The following CLSTN2 variants were observed in gnomAD, a reference collection of about 807,000 sequenced individuals.
CLSTN2 encodes calsyntenin 2, also known as calsyntenin-2.
CLSTN2 carries 48 observed loss-of-function variants against 101.2 expected under a neutral mutation model. That is an observed-to-expected ratio of 0.47 (90% CI 0.38 to 0.60). CLSTN2 has a LOEUF of 0.60. Among genes scored for constraint, CLSTN2 ranks in the 20% least tolerant of loss-of-function variants. The pLI, the probability that CLSTN2 is intolerant of heterozygous loss-of-function variation, is 0.00. For missense variants in CLSTN2, 1,160 were observed against 1,238.2 expected (o/e 0.94, Z 0.95); for synonymous variants, 481 against 463.6 (o/e 1.04, Z -0.48).
At chr3:140,457,508 G>A (rs1933432302) in intron 6 of CLSTN2, among the ~76,000 whole-genome samples, 1 of 152,312 alleles carries the variant, frequency 6.6e-6, no homozygotes, top group African/African-American at 2.4e-5. Context: ...CTTGATAGAT[G>A]TCTTTCTTAG....
chr3:140,185,069 C>T (rs900048255), intron 2 of CLSTN2, among the ~76,000 whole-genome samples: 3 of 152,134 alleles, frequency 2.0e-5, no homozygotes, highest in African/African-American at 7.2e-5. Flanking sequence ...AGGGGGCTTC[C>T]CTGTTTATTG....
At chr3:139,996,652 G>A (rs1431701905) in intron 1 of CLSTN2, among the ~76,000 whole-genome samples, 1 of 152,068 alleles carries the variant, frequency 6.6e-6, no homozygotes, top group Admixed American at 6.6e-5. Flanking sequence ...TTTTCCAACT[G>A]AATGAATTCT....
At chr3:140,361,661 A>C (rs1171598561) in intron 2 of CLSTN2, among the ~76,000 whole-genome samples, 1 of 152,198 alleles carries the variant, frequency 6.6e-6, no homozygotes, top group Non-Finnish European at 1.5e-5. Context: ...GTTAAAAAGC[A>C]GTTATATTAA....
intron 2 of CLSTN2, among the ~76,000 whole-genome samples, chr3:140,321,831 C>T (rs1345260897): frequency 1.3e-5 from 2 of 152,224 alleles, no homozygotes; most frequent in African/African-American, 4.8e-5. Flanking sequence ...ATGTCTAGTA[C>T]AGACTGGCAC....
chr3:140,545,151 AAGCC>A (rs544854771), intron 9 of CLSTN2, among the ~76,000 whole-genome samples: 414 of 152,226 alleles, frequency 2.7e-3, no homozygotes, highest in African/African-American at 5.3e-3. Flanking sequence ...ACCCCAGAAA[AAGCC>A]AGCCCACCCC....
At chr3:140,186,543 T>C (rs1235745027) in intron 2 of CLSTN2, among the ~76,000 whole-genome samples, 1 of 152,108 alleles carries the variant, frequency 6.6e-6, no homozygotes, top group Non-Finnish European at 1.5e-5. Flanking sequence ...TTGGCATGAG[T>C]TCAGAGCTTG....
chr3:140,465,002 T>C (rs1933655498), intron 7 of CLSTN2, among the ~76,000 whole-genome samples: 1 of 152,196 alleles, frequency 6.6e-6, no homozygotes, highest in South Asian at 2.1e-4. Context: ...TTCTAATAAG[T>C]AACAGTTATG....
chr3:140,409,007 C>T lies in CLSTN2; in HGVS notation c.637+4241C>T, dbSNP rs193256547. 5.1e-4 allele frequency among the ~76,000 whole-genome samples: 77 copies of T among 152,274 alleles called. 1 individual carries two copies. The East Asian group carries it at 0.013, about 26-fold the overall frequency. ...CACCACTGTGCTTGTACCTGCAGCT[C>T]GCCCCTGCAGCTGCATGCATGTACA... is the stretch of plus-strand genomic sequence containing the variant. On this transcript the variant is annotated intron_variant, in intron 4 of 16. Coordinates refer to ENST00000458420, the MANE Select transcript of CLSTN2 (RefSeq NM_022131.3).
At chr3:140,484,707 A>G (rs961868779) in intron 8 of CLSTN2, among the ~76,000 whole-genome samples, 1 of 152,052 alleles carries the variant, frequency 6.6e-6, no homozygotes, top group African/African-American at 2.4e-5. Context: ...CATTTCATTC[A>G]TTTGATCTTC....
At chr3:139,981,434 C>T (rs1310732524) in intron 1 of CLSTN2, among the ~76,000 whole-genome samples, 1 of 152,144 alleles carries the variant, frequency 6.6e-6, no homozygotes, top group African/African-American at 2.4e-5. Context: ...AAGCACAGAC[C>T]TCATGTAATT....
Position 140,115,154 on chromosome 3 carries a change from C to G in CLSTN2, c.110-60797C>G, listed in dbSNP as rs562863156. Among the ~76,000 whole-genome samples, 283 of 152,312 alleles carry G rather than the reference C, an allele frequency of 1.9e-3. 1 individual carries two copies. Among genetic ancestry groups the G allele is most frequent in the African/African-American group, 6.4e-3 (265 of 41,558 alleles). On this transcript the variant is annotated intron_variant, in intron 1 of 16. Transcript: ENST00000458420. ...AGTTCCAAGAGTTGCAAGGCTGAAT[C>G]TAAATCACATACTGTGAGCAAGTGA... is the stretch of plus-strand genomic sequence containing the variant.
At chr3:140,400,609 G>A (rs1185185541) in intron 2 of CLSTN2, among the ~76,000 whole-genome samples, 1 of 152,086 alleles carries the variant, frequency 6.6e-6, no homozygotes. Context: ...TAAAATGGAA[G>A]GATTGCTTGA....
intron 1 of CLSTN2, among the ~76,000 whole-genome samples, chr3:139,952,063 C>G (rs1935305023): frequency 6.6e-6 from 1 of 152,066 alleles, no homozygotes; most frequent in South Asian, 2.1e-4. Context: ...GATGAAAATG[C>G]ATTTTAATAT....
intron 2 of CLSTN2, among the ~76,000 whole-genome samples, chr3:140,272,548 G>C (rs1315365411): frequency 6.6e-6 from 1 of 152,122 alleles, no homozygotes; most frequent in Non-Finnish European, 1.5e-5. Context: ...ATGGGAGTTC[G>C]AGACCAGCCT....
intron 8 of CLSTN2, among the ~76,000 whole-genome samples, chr3:140,490,082 G>A (rs1280229287): frequency 0.73 from 4,512 of 6,218 alleles, 1,503 homozygotes; most frequent in East Asian, 0.76. Context: ...GTGTGTGTGT[G>A]TGTGTGTATA....
chr3:140,472,089 A>G (rs1933863340), intron 8 of CLSTN2, among the ~76,000 whole-genome samples: 1 of 151,836 alleles, frequency 6.6e-6, no homozygotes, highest in African/African-American at 2.4e-5. Context: ...AGAATGCTAA[A>G]CTCCCCGTAT....
intron 1 of CLSTN2, among the ~76,000 whole-genome samples, chr3:140,102,873 C>G (rs1305770996): frequency 6.6e-6 from 1 of 152,176 alleles, no homozygotes; most frequent in Admixed American, 6.5e-5. Flanking sequence ...CTGTGATAAG[C>G]AATTTACCCA....
intron 8 of CLSTN2, 99 bp downstream of exon 8, chr3:140,466,830 G>T: frequency 1.3e-6 from 2 of 1,507,562 alleles, no homozygotes; most frequent in South Asian, 2.5e-5. Flanking sequence ...GCAAGGTCCT[G>T]ACCACTTGCT....
chr3:140,165,988 G>A (rs2010128953), intron 1 of CLSTN2, among the ~76,000 whole-genome samples: 1 of 152,054 alleles, frequency 6.6e-6, no homozygotes, highest in East Asian at 1.9e-4. Context: ...GGAGTGGAGA[G>A]GTGCCTCTGT....
Sources: gnomAD v4.1 joint callset for allele counts (sites outside exome capture counted in the v4.1 genomes callset) on GRCh38, gnomAD v4.1.1 for gene constraint, MANE v1.5 for transcripts, NCBI Gene and HGNC (gene_info 2026-07-23, HGNC 2026-07-21) for gene names.